NSD2: variants seen among roughly 807,000 people sequenced by gnomAD.
NSD2 encodes the protein histone-lysine N-methyltransferase NSD2.
In NSD2, 12 loss-of-function variants were observed where a neutral mutation model predicts 139.0. That is an observed-to-expected ratio of 0.09 (90% CI 0.06 to 0.14). The LOEUF is 0.14. Among genes scored for constraint, NSD2 ranks in the 10% least tolerant of loss-of-function variants. The pLI is 1.00. For synonymous variants in NSD2, 669 were observed against 648.7 expected (o/e 1.03, Z -0.48); for missense variants, 1,155 against 1,745.0 (o/e 0.66, Z 6.02).
At chr4:1,934,013 GTTGTTTTT>G (rs1722000208) in intron 6 of NSD2, among the ~76,000 whole-genome samples, 1 of 141,772 alleles carries the variant, frequency 7.1e-6, no homozygotes, top group African/African-American at 3.1e-5. Context: ...AAAGTAGCAA[GTTGTTTTT>G]TTTTTTAAGT....
chr4:1,954,550 C>T (rs1724613929), intron 12 of NSD2: 1 of 151,948 alleles, frequency 6.6e-6, no homozygotes, highest in Non-Finnish European at 1.5e-5. Context: ...CGAGGTCTCA[C>T]TGTTGTGTTG....
At chr4:1,892,645 A>G (rs1042504747) in intron 1 of NSD2, 1 of 150,496 alleles carries the variant, frequency 6.6e-6, no homozygotes, top group African/African-American at 2.5e-5. Context: ...GGCTCGGCTC[A>G]TTGTAACCTC....
intron 5 of NSD2, among the ~76,000 whole-genome samples, chr4:1,923,316 CAA>C (rs34772768): frequency 1.9e-3 from 120 of 62,208 alleles, no homozygotes; most frequent in African/African-American, 3.2e-3. Context: ...GACCCTGGCT[CAA>C]AAAAAAAAAA....
rs1454882254 is a variant in NSD2 at position 1,948,767 on chromosome 4, C to T, written c.1882-2305C>T. The T allele has an allele frequency of 1.9e-6, 2 of 1,043,664 alleles. No individual in the cohort carries two copies. Among genetic ancestry groups the T allele is most frequent in the Non-Finnish European group, 2.3e-6 (2 of 864,742 alleles). The allele number at this position is 1,043,664 out of a possible 1,614,324, so 64.7% of individuals were successfully genotyped here. A position where few individuals can be genotyped will look rare whatever the true frequency, so the allele number is the denominator to read the frequency against. ...TGTAGGAAATCTCTCCAAGTGGAAA[C>T]GTGCTAACTTTTTCTGTAAATCTGA... On this transcript the variant is annotated intron_variant, in intron 9 of 21. Coordinates refer to ENST00000508803, the MANE Select transcript of NSD2 (RefSeq NM_001042424.3). The surrounding 1 kb of genome is among the most constrained non-coding windows in gnomAD (Gnocchi z 4.5).
rs191027684 is a variant in NSD2 at position 1,922,645 on chromosome 4, G to A, written c.1410+4022G>A. Among the ~76,000 whole-genome samples, 334 of 152,326 alleles carry A rather than the reference G, an allele frequency of 2.2e-3. 2 individuals are homozygous for A. The highest frequency in any genetic ancestry group is 0.014 in the Middle Eastern group (4 of 294). ...ATCTTATTTAAAATAGCAGTATTTG[G>A]CCAGGTGTGGTGGCTTACGCCTGTA... On this transcript the variant is annotated intron_variant, in intron 5 of 21. Coordinates refer to ENST00000508803, the MANE Select transcript of NSD2 (RefSeq NM_001042424.3).
At chr4:1,925,678 C>T (rs1720801491) in intron 5 of NSD2, among the ~76,000 whole-genome samples, 2 of 151,824 alleles carry the variant, frequency 1.3e-5, no homozygotes, top group Admixed American at 1.3e-4. Context: ...GGATTACAGG[C>T]CTGAGCCACT....
chr4:1,932,361 C>G (rs1045010392), intron 6 of NSD2, among the ~76,000 whole-genome samples: 1 of 149,906 alleles, frequency 6.7e-6, no homozygotes, highest in Non-Finnish European at 1.5e-5. Flanking sequence ...ATCTCTTGAA[C>G]CCGGGAGGCA....
chr4:1,886,585 A>C (rs959432861), intron 1 of NSD2, among the ~76,000 whole-genome samples: 5 of 152,154 alleles, frequency 3.3e-5, no homozygotes, highest in African/African-American at 1.2e-4. Context: ...TAATTCCAGC[A>C]CTTTGGGAGG....
At chr4:1,938,416 C>CTTTTTTTTTTTTTTTTTTTTTTTTT (rs746279426) in intron 7 of NSD2, 35 bp from the exon 8 acceptor site, 7 of 325,860 alleles carry the variant, frequency 2.1e-5, no homozygotes, top group South Asian at 1.1e-4. Flanking sequence ...TTTTTTCTTT[C>CTTTTTTTTTTTTTTTTTTTTTTTTT]TTTTTTTTTT....
In NSD2 at chr4:1,948,005, A is replaced by G; in HGVS notation, c.1882-3067A>G. 1 of 1,056,010 alleles carries G rather than the reference A, an allele frequency of 9.5e-7. No individual in the cohort carries two copies. Among genetic ancestry groups the G allele is most frequent in the Non-Finnish European group, 1.1e-6 (1 of 873,272 alleles). 65.4% of individuals were successfully genotyped at this position (1,056,010 alleles called of 1,614,324 possible). A position where few individuals can be genotyped will look rare whatever the true frequency, so the allele number is the denominator to read the frequency against. ...TGGAATGTGTTCACTAGGTTCCGTTATGTTTGGTAATATCATCTTGAAAAG... is the reference window on the plus strand; with the variant it reads ...TGGAATGTGTTCACTAGGTTCCGTTGTGTTTGGTAATATCATCTTGAAAAG... On this transcript the variant is annotated intron_variant, in intron 9 of 21. Transcript: ENST00000508803. The surrounding 1 kb of genome is among the most constrained non-coding windows in gnomAD (Gnocchi z 4.5).
At chr4:1,918,659 C>T (rs370668893) in intron 5 of NSD2, 36 bp downstream of exon 5, 2 of 1,604,478 alleles carry the variant, frequency 1.2e-6, no homozygotes, top group African/African-American at 1.3e-5. Context: ...TAGCAAGTTT[C>T]AGAATTTGAG....
At chr4:1,960,871 G>T (rs1265457071) in intron 17 of NSD2, among the ~76,000 whole-genome samples, 164 bp from the exon 18 acceptor site, 1 of 152,210 alleles carries the variant, frequency 6.6e-6, no homozygotes, top group East Asian at 1.9e-4. Context: ...ATATGTCTGA[G>T]ATCCTTTGAA....
chr4:1,922,904 T>C (rs1165793990), intron 5 of NSD2, among the ~76,000 whole-genome samples: 2 of 152,184 alleles, frequency 1.3e-5, no homozygotes, highest in Admixed American at 6.5e-5. Context: ...CCAGCCTGGG[T>C]GACAGAACAA....
intron 6 of NSD2, 139 bp from the exon 7 acceptor site, chr4:1,935,005 C>T: frequency 2.1e-6 from 1 of 477,902 alleles, no homozygotes; most frequent in Non-Finnish European, 3.7e-6. Flanking sequence ...AGACATAAGC[C>T]CTGGAAATCA....
intron 5 of NSD2, chr4:1,919,187 A>C (rs1314810566): frequency 1.3e-5 from 2 of 152,008 alleles, no homozygotes; most frequent in Non-Finnish European, 2.9e-5. Context: ...AAAAAAAAAA[A>C]ACTAGCACAG....
intron 1 of NSD2, among the ~76,000 whole-genome samples, chr4:1,878,251 ATTTTTTTTTTTTTT>A (rs71589624): frequency 0.021 from 598 of 29,018 alleles, 2 homozygotes; most frequent in Non-Finnish European, 0.028. Flanking sequence ...ATATATATAT[ATTTTTTTTTTTTTT>A]TTTTTTTTTT....
In NSD2 at chr4:1,973,621, G is replaced by C. The variant is rs1726727676; in HGVS notation, c.3373-1242G>C. 6.6e-6 allele frequency among the ~76,000 whole-genome samples: 1 copy of C among 152,244 alleles called. No homozygotes were observed. The highest frequency in any genetic ancestry group is 1.9e-4 in the East Asian group (1 of 5,194). On this transcript the variant is annotated intron_variant, in intron 18 of 21. Transcript: ENST00000508803. This position sits in a 1 kb window ranked among gnomAD's most constrained non-coding sequence, Gnocchi z 5.5. ...CTGGTTTTAAAGGGTGGCCTGTGTGGGTATGTAGAAAGGACACGGGGCCAG... is the reference window on the plus strand; with the variant it reads ...CTGGTTTTAAAGGGTGGCCTGTGTGCGTATGTAGAAAGGACACGGGGCCAG...
intron 1 of NSD2, among the ~76,000 whole-genome samples, chr4:1,886,946 C>T (rs989389126): frequency 3.3e-5 from 5 of 152,176 alleles, no homozygotes; most frequent in African/African-American, 1.2e-4. Flanking sequence ...TAACCCGCCC[C>T]CTCTTACCTC....
chr4:1,958,109 A>T lies in NSD2; in HGVS notation c.2985+73A>T. The T allele has an allele frequency of 6.8e-7, 1 of 1,480,338 alleles. No homozygotes were observed. The highest frequency in any genetic ancestry group is 9.3e-7 in the Non-Finnish European group (1 of 1,071,516). The allele number at this position is 1,480,338 out of a possible 1,614,324, so 91.7% of individuals were successfully genotyped here. Reference sequence around the variant, plus strand: ...AGGGCCGTGAGAGGTTCTTAGGCACACCCAGGCTATGGCTGGGGAGAGGAC... The same window carrying T: ...AGGGCCGTGAGAGGTTCTTAGGCACTCCCAGGCTATGGCTGGGGAGAGGAC... On this transcript the variant is annotated intron_variant, in intron 16 of 21. Transcript: ENST00000508803. The surrounding 1 kb of genome is among the most constrained non-coding windows in gnomAD (Gnocchi z 4.6).
Sources: allele counts gnomAD v4.1 joint callset (sites outside exome capture counted in the v4.1 genomes callset), GRCh38; gene constraint gnomAD v4.1.1; non-coding constraint Gnocchi (gnomAD v3.1); transcripts MANE v1.5; gene names NCBI Gene and HGNC (gene_info 2026-07-23, HGNC 2026-07-21).